ZEB2: variants seen among roughly 807,000 people sequenced by gnomAD.
ZEB2 encodes zinc finger E-box-binding homeobox 2.
ZEB2 carries 6 observed loss-of-function variants against 99.9 expected under a neutral mutation model. That is an observed-to-expected ratio of 0.06 (90% CI 0.03 to 0.12). The LOEUF (loss-of-function observed/expected upper bound fraction) is 0.12. Ranked by LOEUF, ZEB2 falls within the 10% of genes least tolerant of loss-of-function variation. ZEB2 has a pLI of 1.00. For missense variants in ZEB2, 969 were observed against 1,502.8 expected (o/e 0.64, Z 5.87); for synonymous variants, 517 against 542.5 (o/e 0.95, Z 0.65).
intron 2 of ZEB2, chr2:144,512,070 G>A: frequency 7.8e-7 from 1 of 1,287,148 alleles, no homozygotes. Flanking sequence ...GCCCCCTTGT[G>A]GGAATGCGGG....
At chr2:144,400,414 T>C (rs1334890812) in intron 7 of ZEB2, 144 bp from the exon 8 acceptor site, 2 of 906,266 alleles carry the variant, frequency 2.2e-6, no homozygotes, top group East Asian at 2.6e-5. Flanking sequence ...TAGAATTATG[T>C]GACCATAACC....
intron 8 of ZEB2, chr2:144,397,812 T>G (rs1703249806): frequency 3.8e-6 from 1 of 263,546 alleles, no homozygotes; most frequent in African/African-American, 2.3e-5. Flanking sequence ...AGCTAATTTT[T>G]GTATTTTTAG....
intron 9 of ZEB2, chr2:144,394,404 T>C (rs1703194115): frequency 6.6e-6 from 1 of 152,180 alleles, no homozygotes; most frequent in South Asian, 2.1e-4. Flanking sequence ...GTGTAGTAAA[T>C]GATAGAGTTT....
chr2:144,461,969 C>G (rs981537466), intron 2 of ZEB2: 2 of 152,062 alleles, frequency 1.3e-5, no homozygotes, highest in Non-Finnish European at 2.9e-5. Flanking sequence ...AAAGGAAATC[C>G]TCCACCCACC....
chr2:144,390,067 T>C (rs1443800396), intron 9 of ZEB2, 39 bp from the exon 10 acceptor site: 5 of 1,591,688 alleles, frequency 3.1e-6, no homozygotes, highest in Non-Finnish European at 4.3e-6. Flanking sequence ...ATTAGTGTCT[T>C]TGCATGAAGT....
chr2:144,506,997 C>T (rs1439511158), intron 2 of ZEB2, among the ~76,000 whole-genome samples: 2 of 152,214 alleles, frequency 1.3e-5, no homozygotes, highest in South Asian at 4.1e-4. Context: ...CTACCTCTCT[C>T]ACCTGAGATT....
Position 144,399,013 on chromosome 2 carries a change from T to A in ZEB2, c.2174A>T (p.Asp725Val). The A allele has an allele frequency of 1.2e-6, 2 of 1,613,686 alleles. No individual in the cohort carries two copies. Among genetic ancestry groups the A allele is most frequent in the Non-Finnish European group, 1.7e-6 (2 of 1,179,928 alleles). Residue 725 changes from aspartate (D) to valine (V), a missense_variant, in exon 8 of 10, where the codon GAC becomes GTC. Transcript: ENST00000627532. This position sits in a 1 kb window ranked among gnomAD's most constrained non-coding sequence, Gnocchi z 5.6. ...LAPNSNPPTKDSLLPRSPVKP... is the reference protein window; with the variant it reads ...LAPNSNPPTKVSLLPRSPVKP... Reference sequence around the variant, plus strand: ...TACAGGAGACCTGGGTAATAAAGAGTCTTTTGTGGGAGGGTTACTGTTGGG... The same window carrying A: ...TACAGGAGACCTGGGTAATAAAGAGACTTTTGTGGGAGGGTTACTGTTGGG...
At chr2:144,429,575 G>A (rs773048489) in intron 3 of ZEB2, 194 bp downstream of exon 3, 1 of 833,076 alleles carries the variant, frequency 1.2e-6, no homozygotes, top group Non-Finnish European at 1.9e-6. Flanking sequence ...CCCTTCCTAA[G>A]ATGTAACTGC....
intron 2 of ZEB2, among the ~76,000 whole-genome samples, chr2:144,478,575 A>T (rs7600781): frequency 6.6e-6 from 1 of 152,024 alleles, no homozygotes; most frequent in Non-Finnish European, 1.5e-5. Context: ...TACAAGTCCA[A>T]ATTTCAATCC....
chr2:144,426,984 GCTGT>G (rs1703698244), intron 3 of ZEB2: 1 of 152,082 alleles, frequency 6.6e-6, no homozygotes, highest in African/African-American at 2.4e-5. Context: ...AGGCAATCTG[GCTGT>G]CTTTCTGCCT....
At chr2:144,506,880 T>C (rs1704957875) in intron 2 of ZEB2, among the ~76,000 whole-genome samples, 1 of 152,192 alleles carries the variant, frequency 6.6e-6, no homozygotes, top group South Asian at 2.1e-4. Context: ...CTATGTTGTC[T>C]ATGGGCAACG....
chr2:144,424,970 A>T, intron 3 of ZEB2, 103 bp from the exon 4 acceptor site: 3 of 1,259,942 alleles, frequency 2.4e-6, no homozygotes, highest in Admixed American at 1.9e-5. Flanking sequence ...AAGGAAACAG[A>T]GAAAAGGCTT....
Position 144,403,905 on chromosome 2 carries a change from C to T in ZEB2, c.807+11G>A, listed in dbSNP as rs374029426. 34 of 1,613,948 alleles carry T rather than the reference C, an allele frequency of 2.1e-5. No homozygotes were observed. The highest frequency in any genetic ancestry group is 2.9e-5 in the Non-Finnish European group (34 of 1,179,998). On this transcript the variant is annotated intron_variant, in intron 6 of 9. Coordinates refer to ENST00000627532, the MANE Select transcript of ZEB2 (RefSeq NM_014795.4). ...ATTATAGAAAGAAATCACTTAAAAC[C>T]ATCCCCCCACCTGATCTGTCCCTGG...
At position 144,517,379 on chromosome 2, in the gene ZEB2, C is replaced by A; in HGVS notation, c.-29G>T. 1.2e-6 allele frequency: 2 copies of A among 1,613,360 alleles called. No individual in the cohort carries two copies. Among genetic ancestry groups the A allele is most frequent in the Non-Finnish European group, 1.7e-6 (2 of 1,179,618 alleles). On this transcript the variant is annotated 5_prime_UTR_variant, in exon 2 of 10. An upstream start codon of the reference 5' UTR is lost. Coordinates refer to ENST00000627532, the MANE Select transcript of ZEB2 (RefSeq NM_014795.4). ...TAAGAGCGGATCAGATGGCAGTTCG[C>A]ATGGACTCGGCGCCCTGCTTCGGCA...
chr2:144,425,275 T>C (rs548738562), intron 3 of ZEB2, among the ~76,000 whole-genome samples: 4 of 152,364 alleles, frequency 2.6e-5, no homozygotes, highest in Admixed American at 6.5e-5. Context: ...GAATTTCACA[T>C]TTTGTTTTCA....
At chr2:144,497,255 A>G (rs931032877) in intron 2 of ZEB2, among the ~76,000 whole-genome samples, 1 of 152,124 alleles carries the variant, frequency 6.6e-6, no homozygotes, top group African/African-American at 2.4e-5. Flanking sequence ...TTGGGTAGAA[A>G]GTTCTTTGTG....
chr2:144,516,231 C>CG (rs1705139665), intron 2 of ZEB2: 1 of 144,502 alleles, frequency 6.9e-6, no homozygotes, highest in Admixed American at 6.9e-5. Flanking sequence ...CACCCCCCCC[C>CG]GGCACCCTCG....
intron 2 of ZEB2, chr2:144,496,983 C>A (rs755235249): frequency 1.3e-5 from 2 of 152,242 alleles, no homozygotes; most frequent in Non-Finnish European, 2.9e-5. Flanking sequence ...CCCTGACCAC[C>A]TTTGCAGACT....
chr2:144,479,183 T>C (rs1376482594), intron 2 of ZEB2, among the ~76,000 whole-genome samples: 1 of 152,254 alleles, frequency 6.6e-6, no homozygotes, highest in East Asian at 1.9e-4. Context: ...TATTACCACT[T>C]GGGCTGCATT....
Sources: allele counts gnomAD v4.1 joint callset (sites outside exome capture counted in the v4.1 genomes callset), GRCh38; gene constraint gnomAD v4.1.1; non-coding constraint Gnocchi (gnomAD v3.1); transcripts MANE v1.5; gene names NCBI Gene and HGNC (gene_info 2026-07-23, HGNC 2026-07-21).